The following PRKCZ variants were observed in gnomAD, a reference collection of about 807,000 sequenced individuals.
The protein encoded by PRKCZ is protein kinase C zeta.
Under a neutral mutation model 79.5 loss-of-function variants are expected in PRKCZ, and 33 were observed. The observed-to-expected ratio is 0.41, with a 90% CI of 0.31 to 0.55. The LOEUF (loss-of-function observed/expected upper bound fraction) is 0.55. PRKCZ is among the 20% of genes least tolerant of loss of function. The pLI, the probability that PRKCZ is intolerant of heterozygous loss-of-function variation, is 0.19. For missense variants in PRKCZ, 578 were observed against 813.5 expected, an observed-to-expected ratio of 0.71 and a Z score of 3.52; for synonymous variants, 342 against 320.9, an observed-to-expected ratio of 1.07 and a Z score of -0.70.
Position 2,168,396 on chromosome 1 carries a change from C to T in PRKCZ, c.975-1122C>T, listed in dbSNP as rs1683755780. Among the ~76,000 whole-genome samples the T allele has an allele frequency of 2.6e-5, 4 of 152,206 alleles. No homozygotes were observed. The highest frequency in any genetic ancestry group is 2.6e-4 in the Admixed American group (4 of 15,276). ...AGACAACAAAAGCCGAGGAACGAGC[C>T]TTCCCCAGCCGCTCCCCAAAGGCAC... On this transcript the variant is annotated intron_variant, in intron 10 of 17. Transcript: ENST00000378567. This position sits in a 1 kb window ranked among gnomAD's most constrained non-coding sequence, Gnocchi z 4.7.
chr1:2,181,193 C>T (rs1187089172), intron 16 of PRKCZ, among the ~76,000 whole-genome samples: 2 of 152,192 alleles, frequency 1.3e-5, no homozygotes, highest in South Asian at 2.1e-4. Flanking sequence ...CCCCTTCACT[C>T]GGGTCTCATG....
At chr1:2,184,292 C>A (rs1687197348) in intron 16 of PRKCZ, 1 of 366,300 alleles carries the variant, frequency 2.7e-6, no homozygotes, top group African/African-American at 2.1e-5. Context: ...GAACAAGGAC[C>A]CCCCCAAGGA....
intron 10 of PRKCZ, among the ~76,000 whole-genome samples, chr1:2,161,571 C>G (rs1252104954): frequency 6.6e-6 from 1 of 152,206 alleles, no homozygotes; most frequent in African/African-American, 2.4e-5. Flanking sequence ...CAGGACTGTG[C>G]AGAACACGGG....
chr1:2,151,003 C>T (rs773292692), intron 9 of PRKCZ, 25 bp downstream of exon 9: 69 of 1,610,144 alleles, frequency 4.3e-5, no homozygotes, highest in East Asian at 6.7e-5. Context: ...TCATGGGGCC[C>T]GGGGGCCCGG....
intron 5 of PRKCZ, among the ~76,000 whole-genome samples, chr1:2,136,887 C>T (rs970307517): frequency 6.6e-5 from 10 of 152,176 alleles, no homozygotes; most frequent in Non-Finnish European, 1.2e-4. Flanking sequence ...AAGTCCAAAA[C>T]GAAGGTGTCT....
intron 10 of PRKCZ, among the ~76,000 whole-genome samples, chr1:2,160,536 CA>C (rs924645691): frequency 1.1e-4 from 17 of 152,184 alleles, no homozygotes; most frequent in African/African-American, 4.1e-4. Context: ...CTGAAGGTGC[CA>C]GGGGCTTTCG....
chr1:2,084,329 T>C (rs1285357250), intron 4 of PRKCZ, among the ~76,000 whole-genome samples: 1 of 152,108 alleles, frequency 6.6e-6, no homozygotes, highest in East Asian at 1.9e-4. Context: ...CAGTGGAAAA[T>C]TCCCCCCACG....
In PRKCZ at chr1:2,184,960, G is replaced by A. The variant is rs763283232; in HGVS notation, c.1730G>A (p.Gly577Asp). 1 of 1,614,000 alleles carries A rather than the reference G, an allele frequency of 6.2e-7. No homozygotes were observed. The highest frequency in any genetic ancestry group is 8.5e-7 in the Non-Finnish European group (1 of 1,180,008). ...AGGATCGACCAGTCAGAGTTCGAAGGCTTTGAGTATATCAACCCATTATTG... is the reference window on the plus strand; with the variant it reads ...AGGATCGACCAGTCAGAGTTCGAAGACTTTGAGTATATCAACCCATTATTG... ...IKRIDQSEFEGFEYINPLLLS... is the reference protein window; with the variant it reads ...IKRIDQSEFEDFEYINPLLLS... Residue 577 changes from glycine (G) to aspartate (D), a missense_variant, in exon 18 of 18, where the codon GGC (glycine) becomes GAC (aspartate). Physicochemically the swap from Gly to Asp is moderately conservative, Grantham distance 94. Transcript: ENST00000378567.
At chr1:2,088,762 C>T (rs2102460117) in intron 4 of PRKCZ, among the ~76,000 whole-genome samples, 1 of 152,346 alleles carries the variant, frequency 6.6e-6, no homozygotes, top group East Asian at 1.9e-4. Context: ...CACTCACAGA[C>T]TCCAGCTGGG....
chr1:2,098,832 C>A (rs552966397), intron 4 of PRKCZ, among the ~76,000 whole-genome samples: 1 of 152,290 alleles, frequency 6.6e-6, no homozygotes, highest in Admixed American at 6.5e-5. Flanking sequence ...CAGGCGCCCA[C>A]CACCACAGTT....
intron 4 of PRKCZ, among the ~76,000 whole-genome samples, chr1:2,118,260 G>A (rs551156534): frequency 5.0e-4 from 76 of 151,450 alleles, no homozygotes; most frequent in Non-Finnish European, 9.0e-4. Flanking sequence ...GCCTCCCAAA[G>A]TGCTGGGATT....
intron 4 of PRKCZ, among the ~76,000 whole-genome samples, chr1:2,105,545 A>G (rs1057223397): frequency 4.6e-5 from 7 of 152,032 alleles, no homozygotes; most frequent in South Asian, 4.2e-4. Flanking sequence ...GATTACAGGC[A>G]CCTGCCACCA....
At chr1:2,151,008 G>A (rs757286303) in intron 9 of PRKCZ, 30 bp downstream of exon 9, 2 of 1,609,666 alleles carry the variant, frequency 1.2e-6, no homozygotes, top group East Asian at 2.2e-5. Flanking sequence ...GGGCCCGGGG[G>A]CCCGGGAACG....
intron 16 of PRKCZ, among the ~76,000 whole-genome samples, chr1:2,180,554 T>A (rs941809093): frequency 6.9e-6 from 1 of 144,976 alleles, no homozygotes; most frequent in Non-Finnish European, 1.5e-5. Flanking sequence ...CGTGGATGCA[T>A]GGACGACGTG....
At chr1:2,155,505 GTGA>G (rs1024490808) in intron 9 of PRKCZ, among the ~76,000 whole-genome samples, 3 of 151,638 alleles carry the variant, frequency 2.0e-5, no homozygotes, top group African/African-American at 7.3e-5. Context: ...AACAGCGACA[GTGA>G]TGGTGGTGGG....
Position 2,148,861 on chromosome 1 carries a change from T to G in PRKCZ, c.635-11T>G. 4 of 1,613,480 alleles carry G rather than the reference T, an allele frequency of 2.5e-6. No individual in the cohort carries two copies. Among genetic ancestry groups the G allele is most frequent in the Non-Finnish European group, 3.4e-6 (4 of 1,179,576 alleles). On this transcript the variant is annotated splice_polypyrimidine_tract_variant and intron_variant, in intron 7 of 17. Transcript: ENST00000378567. ...ACCGTAACGCCCCTTCCTTCCTCCC[T>G]CTCTCACCAGTTGCTTACATTTCCT...
At chr1:2,138,017 G>A (rs1472900839) in intron 5 of PRKCZ, among the ~76,000 whole-genome samples, 4 of 152,210 alleles carry the variant, frequency 2.6e-5, no homozygotes, top group Admixed American at 6.5e-5. Flanking sequence ...TTGTGCCCGG[G>A]CTCTGATCTC....
intron 10 of PRKCZ, among the ~76,000 whole-genome samples, chr1:2,160,708 T>G (rs1571911201): frequency 6.7e-6 from 1 of 148,718 alleles, no homozygotes; most frequent in Non-Finnish European, 1.5e-5. Context: ...CCTTAGGGGG[T>G]GGGGAGGAGG....
intron 5 of PRKCZ, 98 bp downstream of exon 5, chr1:2,135,445 G>A (rs1429529537): frequency 1.1e-5 from 13 of 1,214,790 alleles, no homozygotes; most frequent in Non-Finnish European, 1.4e-5. Flanking sequence ...AGCCCAGGCT[G>A]GGCTCTTTTT....
Sources: allele counts gnomAD v4.1 joint callset (sites outside exome capture counted in the v4.1 genomes callset), GRCh38; gene constraint gnomAD v4.1.1; non-coding constraint Gnocchi (gnomAD v3.1); transcripts MANE v1.5; gene names NCBI Gene and HGNC (gene_info 2026-07-23, HGNC 2026-07-21).